Variants in PLEKHG4B observed in about 807,000 individuals in gnomAD.
The protein encoded by PLEKHG4B is pleckstrin homology and RhoGEF domain containing G4B, also known as pleckstrin homology domain-containing family G member 4B.
PLEKHG4B carries 111 observed loss-of-function variants against 121.3 expected under a neutral mutation model. The observed-to-expected ratio is 0.92, with a 90% CI of 0.78 to 1.07. The LOEUF (loss-of-function observed/expected upper bound fraction) is 1.07. Ranked by LOEUF, PLEKHG4B falls within the 50% of genes least tolerant of loss-of-function variation. PLEKHG4B has a pLI of 0.00. For synonymous variants in PLEKHG4B, 738 were observed against 725.0 expected (o/e 1.02, Z -0.29); for missense variants, 1,831 against 1,757.8 (o/e 1.04, Z -0.74).
At chr5:150,352 G>T (rs541071495) in intron 6 of PLEKHG4B, among the ~76,000 whole-genome samples, 218 of 152,308 alleles carry the variant, frequency 1.4e-3, no homozygotes, top group Admixed American at 2.5e-3. Flanking sequence ...GCCAGGAGCA[G>T]GGGGTAATGG....
At chr5:170,998 G>T (rs747931871) in intron 14 of PLEKHG4B, 45 bp from the exon 15 acceptor site, 21 of 1,518,346 alleles carry the variant, frequency 1.4e-5, no homozygotes, top group Non-Finnish European at 1.6e-5. Flanking sequence ...TGCTGTCTCT[G>T]GGCCTGTCAC....
intron 2 of PLEKHG4B, among the ~76,000 whole-genome samples, chr5:138,222 A>G (rs2126394040): frequency 6.6e-6 from 1 of 152,306 alleles, no homozygotes; most frequent in East Asian, 1.9e-4. Flanking sequence ...CATTACTTTC[A>G]TCTGTTCAGG....
chr5:171,723 A>C (rs542793282), intron 16 of PLEKHG4B, among the ~76,000 whole-genome samples: 77 of 152,248 alleles, frequency 5.1e-4, no homozygotes, highest in African/African-American at 1.8e-3. Flanking sequence ...TCTACAGGAC[A>C]TGCAAAGCAG....
intron 2 of PLEKHG4B, among the ~76,000 whole-genome samples, chr5:116,524 T>C (rs1230755108): frequency 6.6e-6 from 1 of 152,256 alleles, no homozygotes; most frequent in Non-Finnish European, 1.5e-5. Context: ...TACATACAGA[T>C]AAGTCCCACT....
chr5:163,950 G>T (rs12522265), intron 13 of PLEKHG4B, among the ~76,000 whole-genome samples: 1 of 152,040 alleles, frequency 6.6e-6, no homozygotes, highest in Non-Finnish European at 1.5e-5. Context: ...GCACCCATGC[G>T]CCCATTGCCC....
chr5:162,303 C>A (rs549391791), intron 12 of PLEKHG4B, among the ~76,000 whole-genome samples: 135 of 147,502 alleles, frequency 9.2e-4, no homozygotes, highest in Middle Eastern at 3.6e-3. Context: ...GCGAGCTCCC[C>A]CGCGCCGGGG....
intron 6 of PLEKHG4B, among the ~76,000 whole-genome samples, chr5:149,805 A>G (rs1195759793): frequency 1.3e-5 from 2 of 152,226 alleles, no homozygotes; most frequent in Non-Finnish European, 2.9e-5. Flanking sequence ...AGAGAAATTC[A>G]AATCAAAACC....
intron 2 of PLEKHG4B, among the ~76,000 whole-genome samples, chr5:131,876 A>G (rs1031477051): frequency 6.6e-6 from 1 of 152,248 alleles, no homozygotes; most frequent in African/African-American, 2.4e-5. Context: ...GATGATGAGC[A>G]TAGTTTCATG....
intron 8 of PLEKHG4B, 55 bp from the exon 9 acceptor site, chr5:155,290 T>C: frequency 6.8e-7 from 1 of 1,471,778 alleles, no homozygotes; most frequent in South Asian, 1.1e-5. Flanking sequence ...AGCTGCTTAC[T>C]TTAGCATTTA....
chr5:161,693 G>A lies in PLEKHG4B; in HGVS notation c.2488-90G>A, dbSNP rs116064987. 5,524 of 1,571,236 alleles carry A rather than the reference G, an allele frequency of 3.5e-3. 19 individuals carry two copies. Among genetic ancestry groups the A allele is most frequent in the Admixed American group, 4.6e-3 (270 of 58,738 alleles). On this transcript the variant is annotated intron_variant, in intron 11 of 19. Transcript: ENST00000637938. Reference sequence around the variant, plus strand: ...CACTGTGGGCCGTCCGAGCCTTGGTGCCAGTGGCTACACGCAGACCCAGCC... The same window carrying A: ...CACTGTGGGCCGTCCGAGCCTTGGTACCAGTGGCTACACGCAGACCCAGCC...
At chr5:98,266 G>A (rs1480513416) in intron 1 of PLEKHG4B, among the ~76,000 whole-genome samples, 2 of 151,790 alleles carry the variant, frequency 1.3e-5, no homozygotes, top group South Asian at 2.1e-4. Context: ...TCATTCTTCT[G>A]TATGTGGTTA....
At chr5:166,711 T>C (rs1736365028) in intron 13 of PLEKHG4B, among the ~76,000 whole-genome samples, 1 of 152,202 alleles carries the variant, frequency 6.6e-6, no homozygotes, top group African/African-American at 2.4e-5. Flanking sequence ...GTTGGAGGCC[T>C]CTGCCTTAAG....
chr5:175,114 C>T (rs1213878360), intron 18 of PLEKHG4B, among the ~76,000 whole-genome samples: 2 of 152,122 alleles, frequency 1.3e-5, no homozygotes, highest in Admixed American at 6.5e-5. Flanking sequence ...GAGAGAGTCC[C>T]CCGCAGGTCT....
At chr5:171,476 A>G (rs1325861391) in intron 16 of PLEKHG4B, 32 bp downstream of exon 16, 7 of 1,536,072 alleles carry the variant, frequency 4.6e-6, no homozygotes, top group East Asian at 2.4e-5. Flanking sequence ...AGCTCAGGCA[A>G]GCTGGGGGAA....
intron 3 of PLEKHG4B, 75 bp from the exon 4 acceptor site, chr5:142,972 C>T: frequency 7.2e-7 from 1 of 1,389,100 alleles, no homozygotes; most frequent in African/African-American, 1.4e-5. Flanking sequence ...TGGTTCATAG[C>T]AAGCTGAGCA....
At chr5:154,765 C>T in intron 7 of PLEKHG4B, 110 bp from the exon 8 acceptor site, 1 of 804,430 alleles carries the variant, frequency 1.2e-6, no homozygotes, top group Non-Finnish European at 2.1e-6. Context: ...AGGGGCGATA[C>T]TCCTTGAGCC....
In PLEKHG4B at chr5:156,693, G is replaced by GTTTT; in HGVS notation, c.2349-78_2349-75dup. 6.8e-7 allele frequency: 1 copy of GTTTT among 1,477,962 alleles called. No homozygotes were observed. Among genetic ancestry groups the GTTTT allele is most frequent in the Admixed American group, 2.3e-5 (1 of 43,550 alleles). 91.6% of individuals were successfully genotyped at this position (1,477,962 alleles called of 1,614,324 possible). A position where few individuals can be genotyped will look rare whatever the true frequency, so the allele number is the denominator to read the frequency against. On this transcript the variant is annotated intron_variant, in intron 10 of 19. Transcript: ENST00000637938. The surrounding 1 kb of genome is among the most constrained non-coding windows in gnomAD (Gnocchi z 4.4). ...GGCATGAGGGAATGGAAAGAGCAGG[G>GTTTT]TTTTTATATGGGGTTGTCACCAAGA...
intron 5 of PLEKHG4B, among the ~76,000 whole-genome samples, 165 bp downstream of exon 5, chr5:143,668 T>G (rs994400557): frequency 6.6e-6 from 1 of 152,190 alleles, no homozygotes; most frequent in East Asian, 1.9e-4. Context: ...CAGCCTTGAT[T>G]TCTACACACC....
rs924908074 is a variant in PLEKHG4B at position 159,858 on chromosome 5, C to T, written c.2488-1925C>T. On this transcript the variant is annotated intron_variant, in intron 11 of 19. Coordinates refer to ENST00000637938, the MANE Select transcript of PLEKHG4B (RefSeq NM_052909.5). The surrounding 1 kb of genome is among the most constrained non-coding windows in gnomAD (Gnocchi z 5.5). ...TCCCTCACCCTGTCCTGTGGAGTCT[C>T]GGGACTTGGCCTCTGCTCTCCTCAG... 9.9e-5 allele frequency among the ~76,000 whole-genome samples: 15 copies of T among 152,058 alleles called. No individual in the cohort carries two copies. Among genetic ancestry groups the T allele is most frequent in the African/African-American group, 2.7e-4 (11 of 41,424 alleles).
Sources: gnomAD v4.1 joint callset for allele counts (sites outside exome capture counted in the v4.1 genomes callset) on GRCh38, gnomAD v4.1.1 for gene constraint, Gnocchi (gnomAD v3.1) non-coding constraint, MANE v1.5 for transcripts, NCBI Gene and HGNC (gene_info 2026-07-23, HGNC 2026-07-21) for gene names.